Variants in MBOAT2 observed in about 807,000 individuals in gnomAD.
MBOAT2 encodes the protein membrane-bound glycerophospholipid O-acyltransferase 2.
MBOAT2 carries 28 observed loss-of-function variants against 63.4 expected under a neutral mutation model. The observed-to-expected ratio is 0.44, with a 90% CI of 0.33 to 0.61. The LOEUF (loss-of-function observed/expected upper bound fraction) is 0.61. Among genes scored for constraint, MBOAT2 ranks in the 20% least tolerant of loss-of-function variants. The probability of loss-of-function intolerance (pLI) is 0.03; values close to 1 mark genes in which losing one functional copy is unlikely to be tolerated. For missense variants in MBOAT2, 470 were observed against 605.8 expected, an observed-to-expected ratio of 0.78 and a Z score of 2.35; for synonymous variants, 211 against 215.6, an observed-to-expected ratio of 0.98 and a Z score of 0.19.
At chr2:8,913,152 C>T (rs868322070) in intron 3 of MBOAT2, among the ~76,000 whole-genome samples, 12 of 152,082 alleles carry the variant, frequency 7.9e-5, no homozygotes, top group African/African-American at 2.9e-4. Context: ...AATGAAACTG[C>T]ATCCTCATCT....
chr2:8,996,053 T>C (rs937551793), intron 1 of MBOAT2, among the ~76,000 whole-genome samples: 1 of 152,228 alleles, frequency 6.6e-6, no homozygotes, highest in Non-Finnish European at 1.5e-5. Flanking sequence ...AGCCTGGGAA[T>C]GTACACTTTT....
chr2:8,958,334 G>A (rs887153536), intron 2 of MBOAT2, among the ~76,000 whole-genome samples, 163 bp downstream of exon 2: 6 of 152,174 alleles, frequency 3.9e-5, no homozygotes, highest in East Asian at 1.9e-4. Flanking sequence ...TTTCCCATTC[G>A]TTATTTTTTG....
intron 6 of MBOAT2, among the ~76,000 whole-genome samples, chr2:8,882,219 T>G (rs1335626931): frequency 6.6e-6 from 1 of 152,246 alleles, no homozygotes; most frequent in Admixed American, 6.5e-5. Flanking sequence ...ACTATCCTCC[T>G]GTCTTCAAGG....
At chr2:8,929,633 G>A (rs753334215) in intron 3 of MBOAT2, among the ~76,000 whole-genome samples, 23 of 152,206 alleles carry the variant, frequency 1.5e-4, no homozygotes, top group Non-Finnish European at 2.4e-4. Context: ...GATTACAGGC[G>A]TGAGCCACCG....
intron 3 of MBOAT2, among the ~76,000 whole-genome samples, chr2:8,917,606 A>G (rs1666277859): frequency 6.6e-6 from 1 of 152,210 alleles, no homozygotes; most frequent in Admixed American, 6.5e-5. Context: ...GGGAACAGAA[A>G]GGAACTGGCG....
At chr2:8,877,914 G>C (rs1202866652) in intron 6 of MBOAT2, among the ~76,000 whole-genome samples, 1 of 152,228 alleles carries the variant, frequency 6.6e-6, no homozygotes, top group African/African-American at 2.4e-5. Flanking sequence ...TGGGAGCAGG[G>C]AAGACAGCTG....
chr2:8,874,490 T>C (rs1027970281), intron 7 of MBOAT2, among the ~76,000 whole-genome samples: 13 of 152,194 alleles, frequency 8.5e-5, no homozygotes, highest in African/African-American at 3.1e-4. Context: ...AGGCTTATCA[T>C]TTTAGTAATG....
At chr2:8,950,482 C>T (rs1218538395) in intron 2 of MBOAT2, among the ~76,000 whole-genome samples, 1 of 152,142 alleles carries the variant, frequency 6.6e-6, no homozygotes, top group Non-Finnish European at 1.5e-5. Flanking sequence ...GGCTGGAGTG[C>T]AGTGGCGCGA....
chr2:8,954,739 T>C (rs1669087850), intron 2 of MBOAT2, among the ~76,000 whole-genome samples: 1 of 151,836 alleles, frequency 6.6e-6, no homozygotes, highest in South Asian at 2.1e-4. Flanking sequence ...TGAATGCCTG[T>C]AGATTTGCCT....
chr2:8,933,742 G>A (rs1055348395), intron 3 of MBOAT2, among the ~76,000 whole-genome samples: 1 of 152,100 alleles, frequency 6.6e-6, no homozygotes, highest in Non-Finnish European at 1.5e-5. Flanking sequence ...AGCAATCTAC[G>A]TGAACTTCTT....
At chr2:8,993,270 T>C (rs1672041656) in intron 1 of MBOAT2, among the ~76,000 whole-genome samples, 1 of 152,254 alleles carries the variant, frequency 6.6e-6, no homozygotes, top group Admixed American at 6.5e-5. Flanking sequence ...CTCAGCCTCC[T>C]TTTAAGTAAC....
chr2:8,902,234 G>A (rs1400231416), intron 4 of MBOAT2, among the ~76,000 whole-genome samples: 2 of 152,174 alleles, frequency 1.3e-5, no homozygotes, highest in African/African-American at 2.4e-5. Flanking sequence ...GCCAACAGGT[G>A]CCCAGTATTT....
chr2:8,909,266 A>C (rs73916025), intron 3 of MBOAT2, among the ~76,000 whole-genome samples: 1 of 152,336 alleles, frequency 6.6e-6, no homozygotes, highest in South Asian at 2.1e-4. Flanking sequence ...AAGAACTTAT[A>C]TATCAACAGG....
intron 5 of MBOAT2, 64 bp downstream of exon 5, chr2:8,887,954 C>T: frequency 1.4e-6 from 2 of 1,464,954 alleles, no homozygotes; most frequent in Admixed American, 1.7e-5. Context: ...ATGGCAATAT[C>T]TCAAGCAAAA....
At chr2:8,911,880 T>C (rs553611150) in intron 3 of MBOAT2, among the ~76,000 whole-genome samples, 41 of 152,262 alleles carry the variant, frequency 2.7e-4, no homozygotes, top group African/African-American at 9.4e-4. Flanking sequence ...ATAGAAACAT[T>C]ACATTAAGAC....
chr2:8,920,552 A>G (rs562118650), intron 3 of MBOAT2, among the ~76,000 whole-genome samples: 2 of 147,830 alleles, frequency 1.4e-5, no homozygotes, highest in Non-Finnish European at 3.0e-5. Flanking sequence ...AAGCTTATCA[A>G]TTTCTACCAA....
chr2:8,858,825 T>C lies in MBOAT2; in HGVS notation c.1417A>G (p.Asn473Asp). The stretch of plus-strand genomic sequence containing the variant: ...GAGAGCTGAATGTTTTCATGTGTAT[T>C]CTTTCTTCTTTGAGTTTTTTTCACT... The part of the protein sequence containing the change: ...LPVKKTQRRK[N>D]THENIQLSQS... Residue 473 changes from asparagine (N) to aspartate (D), a missense_variant, in exon 13 of 13, where the codon AAT becomes GAT. Coordinates refer to ENST00000305997, the MANE Select transcript of MBOAT2 (RefSeq NM_138799.4). The C allele has an allele frequency of 6.2e-7, 1 of 1,614,026 alleles. No individual in the cohort carries two copies. The highest frequency in any genetic ancestry group is 8.5e-7 in the Non-Finnish European group (1 of 1,180,010).
In MBOAT2 at chr2:8,860,632, G is replaced by T; in HGVS notation, c.1318C>A (p.Pro440Thr). Reference sequence around the variant, plus strand: ...ACTTACCTGTAAAACGTGAGTGATGGTTTTATAGAAAGAAGCACAAATGGC... The same window carrying T: ...ACTTACCTGTAAAACGTGAGTGATGTTTTTATAGAAAGAAGCACAAATGGC... ...VVPFVLLSIKPSLTFYSSWYY... is the reference protein window; with the variant it reads ...VVPFVLLSIKTSLTFYSSWYY... Residue 440 changes from proline (P) to threonine (T), a missense_variant, in exon 12 of 13, where the codon CCA becomes ACA. Pro to Thr is a conservative substitution (Grantham distance 38). Transcript: ENST00000305997. The T allele has an allele frequency of 1.2e-6, 2 of 1,613,168 alleles. No homozygotes were observed. The highest frequency in any genetic ancestry group is 1.7e-6 in the Non-Finnish European group (2 of 1,179,734).
At chr2:8,972,919 T>C (rs1358005514) in intron 1 of MBOAT2, among the ~76,000 whole-genome samples, 1 of 152,234 alleles carries the variant, frequency 6.6e-6, no homozygotes, top group Non-Finnish European at 1.5e-5. Context: ...ACACTGTTGA[T>C]GGGACTGTAA....
Sources: gnomAD v4.1 joint callset for allele counts (sites outside exome capture counted in the v4.1 genomes callset) on GRCh38, gnomAD v4.1.1 for gene constraint, MANE v1.5 for transcripts, NCBI Gene and HGNC (gene_info 2026-07-23, HGNC 2026-07-21) for gene names.